PACRG: variants seen among roughly 807,000 people sequenced by gnomAD.
PACRG encodes parkin coregulated gene protein.
Under a neutral mutation model 29.7 loss-of-function variants are expected in PACRG, and 29 were observed. The observed-to-expected ratio is 0.98, with a 90% confidence interval of 0.73 to 1.33. PACRG has a LOEUF of 1.33. Among genes scored for constraint, PACRG ranks in the 40% most tolerant of loss-of-function variants. The pLI, the probability that PACRG is intolerant of heterozygous loss-of-function variation, is 0.00. For synonymous variants in PACRG, 116 were observed against 118.7 expected, an observed-to-expected ratio of 0.98 and a Z score of 0.15; for missense variants, 279 against 316.2, an observed-to-expected ratio of 0.88 and a Z score of 0.89.
intron 2 of PACRG, among the ~76,000 whole-genome samples, chr6:162,942,395 A>G (rs1798696151): frequency 6.6e-6 from 1 of 151,924 alleles, no homozygotes; most frequent in Non-Finnish European, 1.5e-5. Flanking sequence ...ATCTCCTACT[A>G]TGTTTACTTT....
intron 2 of PACRG, among the ~76,000 whole-genome samples, chr6:162,951,377 C>G (rs1057113812): frequency 1.3e-5 from 2 of 152,200 alleles, no homozygotes; most frequent in Admixed American, 6.5e-5. Flanking sequence ...TACAGCTGAG[C>G]CCAGATTGAC....
intron 2 of PACRG, among the ~76,000 whole-genome samples, chr6:163,004,101 A>G (rs1804819001): frequency 6.6e-6 from 1 of 152,050 alleles, no homozygotes; most frequent in Admixed American, 6.6e-5. Context: ...AATAATGTAA[A>G]CCACAGTTAG....
intron 3 of PACRG, 123 bp downstream of exon 3, chr6:163,062,444 A>G: frequency 1.7e-6 from 2 of 1,186,542 alleles, no homozygotes; most frequent in African/African-American, 1.5e-5. Context: ...ATTTTCATAA[A>G]TTGACTTAGG....
intron 1 of PACRG, among the ~76,000 whole-genome samples, chr6:162,747,392 A>ATATG (rs1781126883): frequency 3.0e-5 from 1 of 32,836 alleles, no homozygotes. Flanking sequence ...ATATATATGT[A>ATATG]TATATATATG....
At chr6:162,934,359 G>C (rs1798089175) in intron 2 of PACRG, among the ~76,000 whole-genome samples, 2 of 152,308 alleles carry the variant, frequency 1.3e-5, no homozygotes, top group South Asian at 4.1e-4. Context: ...CTGCACCCAT[G>C]GCTCAAACAC....
intron 4 of PACRG, among the ~76,000 whole-genome samples, chr6:163,228,905 T>C (rs1168360193): frequency 6.6e-6 from 1 of 152,108 alleles, no homozygotes; most frequent in Non-Finnish European, 1.5e-5. Context: ...CTCCTGAAAA[T>C]AATCTTTCCA....
chr6:163,226,506 C>T (rs1044832420), intron 4 of PACRG, among the ~76,000 whole-genome samples: 4 of 152,126 alleles, frequency 2.6e-5, no homozygotes, highest in South Asian at 2.1e-4. Context: ...GCCTTAATAA[C>T]GCTGGAGGTG....
chr6:162,729,727 T>G (rs1024609692), intron 1 of PACRG, among the ~76,000 whole-genome samples: 2 of 152,086 alleles, frequency 1.3e-5, no homozygotes, highest in African/African-American at 2.4e-5. Context: ...TTTTTACTGG[T>G]TGGGGTTCTT....
At chr6:163,260,337 T>C (rs1482133939) in intron 4 of PACRG, among the ~76,000 whole-genome samples, 2 of 152,320 alleles carry the variant, frequency 1.3e-5, no homozygotes, top group Non-Finnish European at 2.9e-5. Flanking sequence ...CCAAATTGGT[T>C]TGGTCTCTTC....
At chr6:162,867,613 T>A (rs1178954335) in intron 2 of PACRG, among the ~76,000 whole-genome samples, 1 of 152,206 alleles carries the variant, frequency 6.6e-6, no homozygotes, top group Admixed American at 6.5e-5. Context: ...CATTGAGATA[T>A]TTTCCAAACG....
intron 4 of PACRG, among the ~76,000 whole-genome samples, chr6:163,193,326 G>A (rs938807881): frequency 1.3e-5 from 2 of 152,102 alleles, no homozygotes; most frequent in Non-Finnish European, 2.9e-5. Context: ...AATATCCAGA[G>A]GAAAAACTTT....
chr6:163,271,251 G>A (rs977408081), intron 4 of PACRG, among the ~76,000 whole-genome samples: 2 of 85,540 alleles, frequency 2.3e-5, no homozygotes, highest in African/African-American at 9.1e-5. Flanking sequence ...TGATTAGATG[G>A]TGCCCACCCA....
intron 1 of PACRG, among the ~76,000 whole-genome samples, chr6:162,774,167 A>T (rs746606749): frequency 3.9e-5 from 6 of 152,122 alleles, no homozygotes; most frequent in Non-Finnish European, 5.9e-5. Flanking sequence ...TAGAAACAAG[A>T]TCTCCTACTG....
At chr6:163,042,976 T>C (rs1471527732) in intron 2 of PACRG, 1 of 152,180 alleles carries the variant, frequency 6.6e-6, no homozygotes, top group Non-Finnish European at 1.5e-5. Flanking sequence ...TTCCAGTCTT[T>C]TATGTTCTTA....
intron 2 of PACRG, chr6:162,957,291 G>T (rs1473205674): frequency 1.1e-5 from 6 of 559,954 alleles, no homozygotes; most frequent in African/African-American, 3.7e-5. Context: ...TCTGCTCCTC[G>T]ATAAAGAAAG....
intron 1 of PACRG, among the ~76,000 whole-genome samples, chr6:162,735,092 TCC>T (rs1780064086): frequency 1.3e-5 from 2 of 152,342 alleles, no homozygotes; most frequent in Middle Eastern, 3.4e-3. Context: ...TTCATGTTTA[TCC>T]CTGTCTAGTA....
At chr6:163,117,022 G>A (rs1033816644) in intron 4 of PACRG, among the ~76,000 whole-genome samples, 3 of 152,134 alleles carry the variant, frequency 2.0e-5, no homozygotes, top group Non-Finnish European at 4.4e-5. Context: ...TGTCACCCTC[G>A]GAGGAAGAGT....
At chr6:163,261,151 C>A (rs532736010) in intron 4 of PACRG, among the ~76,000 whole-genome samples, 1 of 152,124 alleles carries the variant, frequency 6.6e-6, no homozygotes, top group Non-Finnish European at 1.5e-5. Flanking sequence ...TTCCCGGCTC[C>A]CCATGTTCCT....
intron 4 of PACRG, among the ~76,000 whole-genome samples, chr6:163,195,453 G>A (rs1780409535): frequency 6.6e-6 from 1 of 152,146 alleles, no homozygotes; most frequent in South Asian, 2.1e-4. Flanking sequence ...GAAGACAGGC[G>A]TCCAATGGAG....
Sources: allele counts gnomAD v4.1 joint callset (sites outside exome capture counted in the v4.1 genomes callset), GRCh38; gene constraint gnomAD v4.1.1; transcripts MANE v1.5; gene names NCBI Gene and HGNC (gene_info 2026-07-23, HGNC 2026-07-21).